Variants in MLKL observed in about 807,000 individuals in gnomAD.
MLKL encodes mixed lineage kinase domain like pseudokinase.
Under a neutral mutation model 56.5 loss-of-function variants are expected in MLKL, and 55 were observed. The observed-to-expected ratio is 0.97, with a 90% CI of 0.78 to 1.22. The LOEUF (loss-of-function observed/expected upper bound fraction) is 1.22, where lower values mean the gene tolerates loss of function less well. MLKL is among the 50% of genes most tolerant of loss of function. The pLI is 0.00. For synonymous variants in MLKL, 251 were observed against 208.3 expected (o/e 1.20, Z -1.76); for missense variants, 694 against 573.9 (o/e 1.21, Z -2.14).
At chr16:74,688,590 T>G (rs149084852) in intron 4 of MLKL, among the ~76,000 whole-genome samples, 1,948 of 152,114 alleles carry the variant, frequency 0.013, 47 homozygotes, top group African/African-American at 0.045. Context: ...GGTGCATGCC[T>G]GTAGTTCCAG....
intron 2 of MLKL, 75 bp downstream of exon 2, chr16:74,695,223 G>A (rs957037393): frequency 1.4e-6 from 2 of 1,440,096 alleles, no homozygotes; most frequent in Non-Finnish European, 1.9e-6. Context: ...CATCATTGCT[G>A]CTCCTTTGGT....
Position 74,691,426 on chromosome 16 carries a change from C to T in MLKL, c.573G>A (p.Glu191=), listed in dbSNP as rs1263136459. ...PPKCMQEIPQ[E]QIKEIKKEQL... is the part of the protein sequence containing the mutation. ...GCTCCTTCTTGATCTCCTTGATTTGCTCTTGCGGGATCTCCTGCATGCATT... is the reference window on the plus strand; with the variant it reads ...GCTCCTTCTTGATCTCCTTGATTTGTTCTTGCGGGATCTCCTGCATGCATT... Residue 191 remains glutamate (E), a synonymous_variant, in exon 4 of 11, where the codon GAG becomes GAA. Transcript: ENST00000308807. The T allele has an allele frequency of 1.9e-6, 3 of 1,613,970 alleles. No homozygotes were observed. The highest frequency in any genetic ancestry group is 1.1e-5 in the South Asian group (1 of 91,068).
intron 2 of MLKL, 150 bp downstream of exon 2, chr16:74,695,148 A>G: frequency 1.3e-6 from 1 of 798,212 alleles, no homozygotes; most frequent in East Asian, 2.7e-5. Flanking sequence ...CTGGGATTAC[A>G]GGCGAGAGCC....
Position 74,680,631 on chromosome 16 carries a change from C to T in MLKL, c.957-1651G>A, listed in dbSNP as rs553980262. Reference sequence around the variant, plus strand: ...AAGCGATTCTCCTGCCTCAGCCTTACGAGTAGCTGGGACTATAGGTGCGTG... The same window carrying T: ...AAGCGATTCTCCTGCCTCAGCCTTATGAGTAGCTGGGACTATAGGTGCGTG... On this transcript the variant is annotated intron_variant, in intron 6 of 10. Transcript: ENST00000308807. 8.5e-5 allele frequency among the ~76,000 whole-genome samples: 13 copies of T among 152,238 alleles called. No homozygotes were observed. In the East Asian group the frequency reaches 1.2e-3, roughly 14 times the overall value.
In MLKL at chr16:74,679,694, A is replaced by G. The variant is rs574863135; in HGVS notation, c.957-714T>C. On this transcript the variant is annotated intron_variant, in intron 6 of 10. Coordinates refer to ENST00000308807, the MANE Select transcript of MLKL (RefSeq NM_152649.4). ...GCTGGGCGTGGTGGCATGTGCCTGT[A>G]ATTCCAGCTATTCAGGATGCTAAAG... Among the ~76,000 whole-genome samples the G allele has an allele frequency of 6.0e-4, 92 of 152,312 alleles. 1 individual carries two copies. Among genetic ancestry groups the G allele is most frequent in the African/African-American group, 2.0e-3 (82 of 41,576 alleles).
chr16:74,673,990 GATAA>G (rs1959410386), intron 10 of MLKL, among the ~76,000 whole-genome samples: 1 of 147,042 alleles, frequency 6.8e-6, no homozygotes, highest in East Asian at 2.0e-4. Flanking sequence ...TAGGCAGACA[GATAA>G]ATAAAGGAAG....
At chr16:74,679,636 C>T (rs1164573863) in intron 6 of MLKL, among the ~76,000 whole-genome samples, 2 of 152,104 alleles carry the variant, frequency 1.3e-5, no homozygotes, top group Admixed American at 6.6e-5. Context: ...GGTGAAACAT[C>T]ATCTCTACTA....
Position 74,682,559 on chromosome 16 carries a change from G to A in MLKL, c.956+92C>T, listed in dbSNP as rs1255099480. On this transcript the variant is annotated intron_variant, in intron 6 of 10. Coordinates refer to ENST00000308807, the MANE Select transcript of MLKL (RefSeq NM_152649.4). ...GTGTATGGGAGGGAGACTGTCTGGG[G>A]CGTCTGGCCTGTTCTCTCACCATCT... The A allele has an allele frequency of 7.9e-6, 12 of 1,509,452 alleles. No individual in the cohort carries two copies. The African/African-American group carries it at 1.4e-4, about 17-fold the overall frequency. The allele number at this position is 1,509,452 out of a possible 1,614,324, so 93.5% of individuals were successfully genotyped here. A position where few individuals can be genotyped will look rare whatever the true frequency, so the allele number is the denominator to read the frequency against.
At chr16:74,682,937 CG>C (rs2144494016) in intron 5 of MLKL, 151 bp from the exon 6 acceptor site, 3 of 893,714 alleles carry the variant, frequency 3.4e-6, no homozygotes, top group East Asian at 2.7e-5. Context: ...TTTTGGTCCC[CG>C]GCCTCCTTGA....
chr16:74,699,056 T>C (rs1351097145), intron 1 of MLKL, among the ~76,000 whole-genome samples: 5 of 150,798 alleles, frequency 3.3e-5, no homozygotes, highest in East Asian at 3.9e-4. Context: ...GAGGTTGCAC[T>C]GAGCCGAGAT....
At position 74,678,881 on chromosome 16, in the gene MLKL, C is replaced by G. The variant is rs2144468787; in HGVS notation, c.1038+18G>C. On this transcript the variant is annotated intron_variant, in intron 7 of 10. Coordinates refer to ENST00000308807, the MANE Select transcript of MLKL (RefSeq NM_152649.4). ...TCATGCAGGTTTGACCCAAAGCGCC[C>G]CCGCAAGGCACACTCACCTTCACTT... 1 of 1,611,902 alleles carries G rather than the reference C, an allele frequency of 6.2e-7. No individual in the cohort carries two copies. The highest frequency in any genetic ancestry group is 8.5e-7 in the Non-Finnish European group (1 of 1,178,076).
chr16:74,675,972 G>A, intron 7 of MLKL: 1 of 587,304 alleles, frequency 1.7e-6, no homozygotes, highest in Non-Finnish European at 2.9e-6. Flanking sequence ...GAAACACAAA[G>A]AGATTTCTTC....
At position 74,695,325 on chromosome 16, in the gene MLKL, T is replaced by G. The variant is rs1351742273; in HGVS notation, c.433A>C (p.Arg145=). 5 of 1,613,918 alleles carry G rather than the reference T, an allele frequency of 3.1e-6. No homozygotes were observed. Among genetic ancestry groups the G allele is most frequent in the Admixed American group, 3.3e-5 (2 of 60,004 alleles). ...QEDQQDADED[R]RAFQMLRRDN... Reference sequence around the variant, plus strand: ...CTTCTTAGCATCTGGAAAGCTCGCCTGTCTTCGTCTGCATCCTGCTGATCT... The same window carrying G: ...CTTCTTAGCATCTGGAAAGCTCGCCGGTCTTCGTCTGCATCCTGCTGATCT... Residue 145 remains arginine (R), a synonymous_variant, in exon 2 of 11, where the codon AGG becomes CGG. Coordinates refer to ENST00000308807, the MANE Select transcript of MLKL (RefSeq NM_152649.4).
At chr16:74,680,460 A>T (rs1567604422) in intron 6 of MLKL, among the ~76,000 whole-genome samples, 1 of 152,136 alleles carries the variant, frequency 6.6e-6, no homozygotes, top group Non-Finnish European at 1.5e-5. Context: ...CATCAAGAAG[A>T]AAGTCTGCGT....
intron 10 of MLKL, 72 bp downstream of exon 10, chr16:74,674,888 G>A (rs1021804593): frequency 4.5e-5 from 70 of 1,556,604 alleles, no homozygotes; most frequent in Non-Finnish European, 5.7e-5. Context: ...CTTGGAGCTG[G>A]TGAAAAGGAA....
chr16:74,691,232 G>C lies in MLKL; in HGVS notation c.722+45C>G, dbSNP rs113727275. 7.5e-4 allele frequency: 1,140 copies of C among 1,526,106 alleles called. 2 individuals are homozygous for C. The Middle Eastern group carries it at 0.02, about 27-fold the overall frequency. The allele number at this position is 1,526,106 out of a possible 1,614,324, so 94.5% of individuals were successfully genotyped here. ...ATATCCCTCTCTCCTTGGAGAGTTA[G>C]AGTAAGTATTGGTACACACGAGAGA... On this transcript the variant is annotated intron_variant, in intron 4 of 10. Coordinates refer to ENST00000308807, the MANE Select transcript of MLKL (RefSeq NM_152649.4).
At chr16:74,674,027 T>C (rs1959413152) in intron 10 of MLKL, among the ~76,000 whole-genome samples, 1 of 150,828 alleles carries the variant, frequency 6.6e-6, no homozygotes, top group Non-Finnish European at 1.5e-5. Context: ...AAGAAAGTAA[T>C]CTGCCTTTCC....
At chr16:74,693,560 T>C (rs1446658577) in intron 2 of MLKL, among the ~76,000 whole-genome samples, 1 of 151,554 alleles carries the variant, frequency 6.6e-6, no homozygotes, top group African/African-American at 2.4e-5. Context: ...GTGAATATAC[T>C]TGATGCCACT....
intron 1 of MLKL, among the ~76,000 whole-genome samples, chr16:74,695,962 G>T (rs373638585): frequency 1.3e-5 from 2 of 152,202 alleles, no homozygotes; most frequent in African/African-American, 4.8e-5. Context: ...GGAAGAGCTG[G>T]TCCAGCCGGA....
Sources: gnomAD v4.1 joint callset for allele counts (sites outside exome capture counted in the v4.1 genomes callset) on GRCh38, gnomAD v4.1.1 for gene constraint, MANE v1.5 for transcripts, NCBI Gene and HGNC (gene_info 2026-07-23, HGNC 2026-07-21) for gene names.